The following CACNA2D3 variants were observed in gnomAD, a reference collection of about 807,000 sequenced individuals.
CACNA2D3 encodes the protein calcium voltage-gated channel auxiliary subunit alpha2delta 3.
A neutral mutation model predicts 160.6 loss-of-function variants in CACNA2D3; 60 were observed. That is an observed-to-expected ratio of 0.37 (90% CI 0.30 to 0.46). CACNA2D3 has a LOEUF of 0.46. CACNA2D3 is among the 20% of genes least tolerant of loss of function. CACNA2D3 has a pLI of 1.00. For missense variants in CACNA2D3, 1,205 were observed against 1,365.0 expected, an observed-to-expected ratio of 0.88 and a Z score of 1.85; for synonymous variants, 558 against 492.9, an observed-to-expected ratio of 1.13 and a Z score of -1.75.
intron 35 of CACNA2D3, among the ~76,000 whole-genome samples, chr3:55,041,817 G>A (rs1273257178): frequency 6.6e-6 from 1 of 151,644 alleles, no homozygotes; most frequent in East Asian, 1.9e-4. Flanking sequence ...TTCCCTCTAG[G>A]AGTGGTGATA....
chr3:54,932,997 G>T (rs1303789432), intron 27 of CACNA2D3, among the ~76,000 whole-genome samples: 1 of 152,094 alleles, frequency 6.6e-6, no homozygotes, highest in Non-Finnish European at 1.5e-5. Flanking sequence ...CAGGTACACA[G>T]TTTATACAGA....
intron 35 of CACNA2D3, among the ~76,000 whole-genome samples, chr3:55,038,967 G>A (rs183384681): frequency 1.3e-5 from 2 of 149,714 alleles, no homozygotes; most frequent in African/African-American, 4.9e-5. Context: ...GGGAGGTTGG[G>A]GGGATGGACT....
chr3:54,872,660 T>C (rs1258650452), intron 18 of CACNA2D3, among the ~76,000 whole-genome samples: 1 of 152,216 alleles, frequency 6.6e-6, no homozygotes, highest in African/African-American at 2.4e-5. Flanking sequence ...TCAACTAGCA[T>C]AAATCTCTCA....
intron 9 of CACNA2D3, among the ~76,000 whole-genome samples, chr3:54,607,493 T>G (rs1434187135): frequency 1.3e-5 from 2 of 151,846 alleles, no homozygotes; most frequent in Non-Finnish European, 2.9e-5. Context: ...CCGGCAAGAC[T>G]CTCCAAGTGA....
At chr3:54,984,252 T>G (rs928837403) in intron 29 of CACNA2D3, among the ~76,000 whole-genome samples, 1 of 152,134 alleles carries the variant, frequency 6.6e-6, no homozygotes, top group African/African-American at 2.4e-5. Context: ...CAATACAGGC[T>G]TGGGGGCTTC....
chr3:54,595,096 T>C (rs1575368373), intron 9 of CACNA2D3, among the ~76,000 whole-genome samples: 4 of 152,240 alleles, frequency 2.6e-5, no homozygotes, highest in Non-Finnish European at 5.9e-5. Context: ...ATATGATGTG[T>C]TGGGACATTT....
chr3:54,672,774 T>C (rs952444718), intron 11 of CACNA2D3, among the ~76,000 whole-genome samples: 2 of 152,166 alleles, frequency 1.3e-5, no homozygotes, highest in African/African-American at 4.8e-5. Flanking sequence ...GAGTTAGGAA[T>C]GGTCGTGTTC....
intron 2 of CACNA2D3, among the ~76,000 whole-genome samples, chr3:54,299,977 C>T (rs1186239336): frequency 1.3e-5 from 2 of 152,184 alleles, no homozygotes; most frequent in Non-Finnish European, 2.9e-5. Flanking sequence ...TGTCCGACCT[C>T]CTTCTCTCTC....
chr3:54,674,485 G>A (rs1297668792), intron 11 of CACNA2D3, among the ~76,000 whole-genome samples: 4 of 152,200 alleles, frequency 2.6e-5, no homozygotes, highest in Non-Finnish European at 2.9e-5. Context: ...GCAGTGGGGA[G>A]GAGCCCCTGG....
At chr3:54,790,414 C>G (rs1014679871) in intron 13 of CACNA2D3, among the ~76,000 whole-genome samples, 2 of 152,134 alleles carry the variant, frequency 1.3e-5, no homozygotes, top group Non-Finnish European at 2.9e-5. Flanking sequence ...GAAAAGGTTC[C>G]CATGAGCCAA....
At chr3:54,917,071 T>C (rs184171189) in intron 27 of CACNA2D3, among the ~76,000 whole-genome samples, 41 of 152,312 alleles carry the variant, frequency 2.7e-4, no homozygotes, top group African/African-American at 9.6e-4. Context: ...AAAATGATTT[T>C]AATACTAACA....
intron 2 of CACNA2D3, among the ~76,000 whole-genome samples, chr3:54,163,368 T>C (rs1700385646): frequency 6.6e-6 from 1 of 152,046 alleles, no homozygotes; most frequent in Non-Finnish European, 1.5e-5. Flanking sequence ...CCTTCATGAG[T>C]TGGCCATGGC....
chr3:55,021,833 G>A (rs973384353), intron 35 of CACNA2D3, among the ~76,000 whole-genome samples: 3 of 151,646 alleles, frequency 2.0e-5, no homozygotes, highest in Non-Finnish European at 4.4e-5. Context: ...TATGGGAGTT[G>A]AGGCCATCCT....
At chr3:54,567,372 A>C (rs1702424847) in intron 6 of CACNA2D3, among the ~76,000 whole-genome samples, 1 of 152,234 alleles carries the variant, frequency 6.6e-6, no homozygotes, top group Admixed American at 6.5e-5. Flanking sequence ...ATTGGGCAGA[A>C]CTTAGGGATA....
intron 4 of CACNA2D3, among the ~76,000 whole-genome samples, chr3:54,451,979 A>G (rs1388760700): frequency 6.6e-6 from 1 of 152,182 alleles, no homozygotes; most frequent in African/African-American, 2.4e-5. Flanking sequence ...GTGTCTAACA[A>G]CTTTCCTCCA....
At chr3:55,004,502 G>A (rs534468673) in intron 31 of CACNA2D3, among the ~76,000 whole-genome samples, 4 of 152,154 alleles carry the variant, frequency 2.6e-5, no homozygotes, top group Non-Finnish European at 1.5e-5. Context: ...TGACTGTTTC[G>A]TCAAGTTAGA....
At chr3:54,255,988 G>GA (rs939944178) in intron 2 of CACNA2D3, among the ~76,000 whole-genome samples, 54 of 148,386 alleles carry the variant, frequency 3.6e-4, no homozygotes, top group Admixed American at 5.4e-4. Flanking sequence ...GACACATAAT[G>GA]AAAAAAAAAA....
rs1053315459 is a variant in CACNA2D3 at position 54,760,940 on chromosome 3, G to A, written c.1247-3278G>A. 1.1e-4 allele frequency among the ~76,000 whole-genome samples: 17 copies of A among 152,184 alleles called. No homozygotes were observed. The South Asian group carries it at 1.2e-3, about 11-fold the overall frequency. On this transcript the variant is annotated intron_variant, in intron 12 of 37. Coordinates refer to ENST00000474759, the MANE Select transcript of CACNA2D3 (RefSeq NM_018398.3). ...GGAGGTGTCGGGTATACAGTTGGCC[G>A]TGGGTCTGTCGCTCTGGAGAGAAGT...
intron 2 of CACNA2D3, among the ~76,000 whole-genome samples, chr3:54,295,868 G>C (rs998047036): frequency 6.6e-6 from 1 of 152,212 alleles, no homozygotes; most frequent in Admixed American, 6.5e-5. Flanking sequence ...TTTGCCCAAT[G>C]CAGCTCGCAG....
Sources: allele counts gnomAD v4.1 joint callset (sites outside exome capture counted in the v4.1 genomes callset), GRCh38; gene constraint gnomAD v4.1.1; transcripts MANE v1.5; gene names NCBI Gene and HGNC (gene_info 2026-07-23, HGNC 2026-07-21).